SPTBN4: variants seen among roughly 807,000 people sequenced by gnomAD.
SPTBN4 encodes the protein spectrin beta chain, non-erythrocytic 4.
In SPTBN4, 96 loss-of-function variants were observed where a neutral mutation model predicts 277.8. The ratio of observed to expected loss-of-function variants is 0.35; its 90% confidence interval spans 0.29 to 0.41. The LOEUF (loss-of-function observed/expected upper bound fraction) is 0.41. Among genes scored for constraint, SPTBN4 ranks in the 10% least tolerant of loss-of-function variants. The pLI, the probability that SPTBN4 is intolerant of heterozygous loss-of-function variation, is 1.00. For synonymous variants in SPTBN4, 1,481 were observed against 1,580.3 expected (o/e 0.94, Z 1.49); for missense variants, 3,006 against 3,595.7 (o/e 0.84, Z 4.19).
In SPTBN4 at chr19:40,554,709, G is replaced by T; in HGVS notation, c.5084+63G>T. 1 of 1,565,364 alleles carries T rather than the reference G, an allele frequency of 6.4e-7. No homozygotes were observed. ...GCAGGACCTGAAGCTTCGCTGTTGG[G>T]AGTTGGCGCAGCGCTGGAATTGGAC... On this transcript the variant is annotated intron_variant, in intron 24 of 35. Coordinates refer to ENST00000598249, the MANE Select transcript of SPTBN4 (RefSeq NM_020971.3). The surrounding 1 kb of genome is among the most constrained non-coding windows in gnomAD (Gnocchi z 5.7).
chr19:40,554,489 C>T lies in SPTBN4; in HGVS notation c.4954-27C>T, dbSNP rs555500626. Reference sequence around the variant, plus strand: ...TGGAGCCGGGGGCCGCCGCTGCCGCCTCATCGTGGGCGCTTTGTGCCCCCA... The same window carrying T: ...TGGAGCCGGGGGCCGCCGCTGCCGCTTCATCGTGGGCGCTTTGTGCCCCCA... On this transcript the variant is annotated intron_variant, in intron 23 of 35. Transcript: ENST00000598249. This position sits in a 1 kb window ranked among gnomAD's most constrained non-coding sequence, Gnocchi z 5.7. 3 of 1,483,960 alleles carry T rather than the reference C, an allele frequency of 2.0e-6. No individual in the cohort carries two copies. In the South Asian group the frequency reaches 4.1e-5, roughly 20 times the overall value. The allele number at this position is 1,483,960 out of a possible 1,614,324, so 91.9% of individuals were successfully genotyped here.
chr19:40,493,112 A>G (rs1046224371), intron 5 of SPTBN4, 58 bp downstream of exon 5: 2 of 1,536,658 alleles, frequency 1.3e-6, no homozygotes, highest in Admixed American at 1.7e-5. Flanking sequence ...TAACCTCTGC[A>G]ATTCCTTCCC....
intron 2 of SPTBN4, among the ~76,000 whole-genome samples, chr19:40,475,455 CTTTATTTA>C (rs34506779): frequency 6.6e-6 from 1 of 150,706 alleles, no homozygotes; most frequent in African/African-American, 2.4e-5. Context: ...ATTTTTGGAA[CTTTATTTA>C]TTTATTTATT....
intron 12 of SPTBN4, among the ~76,000 whole-genome samples, chr19:40,505,444 C>T (rs1025521140): frequency 1.2e-4 from 18 of 150,296 alleles, no homozygotes; most frequent in African/African-American, 4.2e-4. Context: ...GTAATCCCAG[C>T]ACTTTGGGAG....
Position 40,568,283 on chromosome 19 carries a change from G to A in SPTBN4, c.6956+1G>A. ...CCATCAGAGGAGACCTGGTCAAGGG[G>A]TGAGGTGCCCGCCTTATGACCAGAA... On this transcript the variant is annotated splice_donor_variant, in intron 31 of 35. Transcript: ENST00000598249. LOFTEE classifies it high-confidence loss of function. The A allele has an allele frequency of 1.9e-6, 3 of 1,601,454 alleles. No individual in the cohort carries two copies. Among genetic ancestry groups the A allele is most frequent in the Non-Finnish European group, 2.6e-6 (3 of 1,174,180 alleles).
At chr19:40,530,464 C>A in intron 18 of SPTBN4, 3 of 973,290 alleles carry the variant, frequency 3.1e-6, no homozygotes, top group Non-Finnish European at 3.6e-6. Context: ...CGCGCGGGGG[C>A]GAGGGAGGGG....
chr19:40,565,870 A>G (rs2081086451), intron 29 of SPTBN4, 125 bp downstream of exon 29: 1 of 1,100,580 alleles, frequency 9.1e-7, no homozygotes, highest in Non-Finnish European at 1.3e-6. Flanking sequence ...AGAAGCAAAC[A>G]TAAGGGCCTG....
At position 40,560,572 on chromosome 19, in the gene SPTBN4, T is replaced by C. The variant is rs1731131222; in HGVS notation, c.5915+169T>C. ...GTGCTTCGTGTGTATTCAGACCCCT[T>C]TTTTAGGCCTGTCATTGGGGACTTC... On this transcript the variant is annotated intron_variant, in intron 27 of 35. Transcript: ENST00000598249. This position sits in a 1 kb window ranked among gnomAD's most constrained non-coding sequence, Gnocchi z 5.2. 2 of 1,486,970 alleles carry C rather than the reference T, an allele frequency of 1.3e-6. No individual in the cohort carries two copies. The highest frequency in any genetic ancestry group is 1.4e-5 in the African/African-American group (1 of 71,172). 92.1% of individuals were successfully genotyped at this position (1,486,970 alleles called of 1,614,324 possible). A position where few individuals can be genotyped will look rare whatever the true frequency, so the allele number is the denominator to read the frequency against.
At chr19:40,569,533 C>A in intron 31 of SPTBN4, 124 bp from the exon 32 acceptor site, 1 of 901,806 alleles carries the variant, frequency 1.1e-6, no homozygotes, top group Non-Finnish European at 1.7e-6. Flanking sequence ...AGAGAAACAG[C>A]TGCAGAAGTG....
intron 17 of SPTBN4, among the ~76,000 whole-genome samples, chr19:40,525,508 C>T (rs79086136): frequency 2.6e-5 from 4 of 152,008 alleles, no homozygotes; most frequent in Admixed American, 2.6e-4. Context: ...TCTTGAGCAC[C>T]TGCTGCATGC....
chr19:40,504,061 G>A lies in SPTBN4; in HGVS notation c.1594G>A (p.Glu532Lys), dbSNP rs201278278. 185 of 1,605,974 alleles carry A rather than the reference G, an allele frequency of 1.2e-4. No individual in the cohort carries two copies. Among genetic ancestry groups the A allele is most frequent in the Non-Finnish European group, 1.5e-4 (176 of 1,175,084 alleles). ...TGTGGGTGCCCGGCGGACACGACTT[G>A]AGCAGAACCTTGCCCTGCAGAAGGT... is the stretch of plus-strand genomic sequence containing the variant. ...GLVGARRTRLEQNLALQKVFQ... is the reference protein window; with the variant it reads ...GLVGARRTRLKQNLALQKVFQ... Residue 532 changes from glutamate to lysine, a missense_variant, in exon 12 of 36, where the codon GAG becomes AAG. Transcript: ENST00000598249.
intron 27 of SPTBN4, among the ~76,000 whole-genome samples, chr19:40,565,150 A>C (rs1160329683): frequency 6.7e-6 from 1 of 150,042 alleles, no homozygotes; most frequent in South Asian, 2.1e-4. Flanking sequence ...CTGTAATCCC[A>C]GCTACTCAGG....
intron 6 of SPTBN4, among the ~76,000 whole-genome samples, chr19:40,496,631 GA>G (rs2080200113): frequency 6.6e-6 from 1 of 152,168 alleles, no homozygotes; most frequent in South Asian, 2.1e-4. Flanking sequence ...AAAGCACAGA[GA>G]AACGCAGTAG....
chr19:40,533,045 C>G (rs2080696063), intron 19 of SPTBN4, among the ~76,000 whole-genome samples: 2 of 152,148 alleles, frequency 1.3e-5, no homozygotes, highest in Non-Finnish European at 2.9e-5. Context: ...TTAATATAAC[C>G]TCCTCTACCA....
At chr19:40,523,300 GC>G in intron 16 of SPTBN4, 136 bp from the exon 17 acceptor site, 1 of 802,176 alleles carries the variant, frequency 1.2e-6, no homozygotes, top group Non-Finnish European at 1.9e-6. Context: ...ATGGGCAACA[GC>G]CCCGAGGTGG....
In SPTBN4 at chr19:40,528,993, A is replaced by C. The variant is rs1599768919; in HGVS notation, c.3858-48A>C. On this transcript the variant is annotated intron_variant, in intron 17 of 35. Coordinates refer to ENST00000598249, the MANE Select transcript of SPTBN4 (RefSeq NM_020971.3). ...CTCACAGTCCTACTGCCAGCGCCGC[A>C]CCCCCCAACCCGGGGCCTTTCCCCA... The C allele has an allele frequency of 2.7e-6, 4 of 1,500,152 alleles. No homozygotes were observed. In the African/African-American group the frequency reaches 5.6e-5, roughly 21 times the overall value. The allele number at this position is 1,500,152 out of a possible 1,614,324, so 92.9% of individuals were successfully genotyped here.
Position 40,503,890 on chromosome 19 carries a change from G to T in SPTBN4, c.1423G>T (p.Glu475Ter). The T allele has an allele frequency of 6.2e-7, 1 of 1,611,108 alleles. No homozygotes were observed. Among genetic ancestry groups the T allele is most frequent in the Non-Finnish European group, 8.5e-7 (1 of 1,177,682 alleles). ...EAAMKKHEAIEADIAAYEERV... is the reference protein window; with the variant it reads ...EAAMKKHEAI ...AGCCATGAAGAAACACGAAGCGATC[G>T]AGGCAGACATTGCGGCCTACGAGGA... The change falls in exon 12 of 36, where the codon GAG becomes TAG. Residue 475 changes from glutamate (E) to a stop codon, truncating the protein, a stop_gained. Coordinates refer to ENST00000598249, the MANE Select transcript of SPTBN4 (RefSeq NM_020971.3). LOFTEE classifies it high-confidence loss of function.
At position 40,488,889 on chromosome 19, in the gene SPTBN4, C is replaced by T. The variant is rs550803885; in HGVS notation, c.321+1041C>T. ...TGTTGCCCAGGCTGATCTAGAACTC[C>T]TGGACTCAAGCGATCCTCCAGCCTC... On this transcript the variant is annotated intron_variant, in intron 3 of 35. Coordinates refer to ENST00000598249, the MANE Select transcript of SPTBN4 (RefSeq NM_020971.3). Among the ~76,000 whole-genome samples, 652 of 151,998 alleles carry T rather than the reference C, an allele frequency of 4.3e-3. 3 individuals are homozygous for T. The highest frequency in any genetic ancestry group is 0.014 in the African/African-American group (591 of 41,458).
chr19:40,568,761 G>A (rs573896101), intron 31 of SPTBN4, among the ~76,000 whole-genome samples: 18 of 152,226 alleles, frequency 1.2e-4, no homozygotes, highest in Non-Finnish European at 2.6e-4. Context: ...AAGTCACTCA[G>A]CTTAAACGAA....
Sources: allele counts gnomAD v4.1 joint callset (sites outside exome capture counted in the v4.1 genomes callset), GRCh38; gene constraint gnomAD v4.1.1; non-coding constraint Gnocchi (gnomAD v3.1); transcripts MANE v1.5; gene names NCBI Gene and HGNC (gene_info 2026-07-23, HGNC 2026-07-21).